SYT9: variants seen among roughly 807,000 people sequenced by gnomAD.
SYT9 encodes synaptotagmin-9.
A neutral mutation model predicts 48.4 loss-of-function variants in SYT9; 22 were observed. That is an observed-to-expected ratio of 0.45 (90% CI 0.32 to 0.65). The LOEUF (loss-of-function observed/expected upper bound fraction) is 0.65. SYT9 is among the 30% of genes least tolerant of loss of function. The pLI is 0.03. For synonymous variants in SYT9, 265 were observed against 245.0 expected (o/e 1.08, Z -0.76); for missense variants, 577 against 622.0 (o/e 0.93, Z 0.77).
intron 3 of SYT9, among the ~76,000 whole-genome samples, chr11:7,324,996 G>A (rs1460213338): frequency 6.6e-6 from 1 of 151,984 alleles, no homozygotes; most frequent in African/African-American, 2.4e-5. Context: ...ATGTATATAT[G>A]TAAAAATATG....
chr11:7,300,749 C>T (rs528374969), intron 1 of SYT9, among the ~76,000 whole-genome samples: 1 of 152,316 alleles, frequency 6.6e-6, no homozygotes, highest in South Asian at 2.1e-4. Context: ...GCCTGATTAC[C>T]TGGGACAGGG....
intron 3 of SYT9, among the ~76,000 whole-genome samples, chr11:7,370,572 G>A (rs1850343852): frequency 1.3e-5 from 2 of 152,092 alleles, no homozygotes; most frequent in African/African-American, 2.4e-5. Flanking sequence ...ACCTAAAATA[G>A]GTAGATTTTA....
chr11:7,378,804 G>A (rs1237859969), intron 3 of SYT9, among the ~76,000 whole-genome samples: 2 of 151,924 alleles, frequency 1.3e-5, no homozygotes, highest in Admixed American at 1.3e-4. Context: ...TCATCATCCC[G>A]TCTCCCATAA....
chr11:7,283,200 T>C (rs932448271), intron 1 of SYT9, among the ~76,000 whole-genome samples: 11 of 151,334 alleles, frequency 7.3e-5, no homozygotes, highest in Non-Finnish European at 1.5e-4. Flanking sequence ...CATATATATT[T>C]ATATATATGT....
At chr11:7,453,034 G>A (rs540988673) in intron 6 of SYT9, among the ~76,000 whole-genome samples, 101 of 151,894 alleles carry the variant, frequency 6.6e-4, no homozygotes, top group African/African-American at 1.7e-3. Flanking sequence ...CCCCTGCCTC[G>A]GCCTCCCAAA....
intron 6 of SYT9, among the ~76,000 whole-genome samples, chr11:7,458,971 T>G (rs1016484099): frequency 1.7e-4 from 26 of 152,226 alleles, no homozygotes; most frequent in African/African-American, 5.8e-4. Context: ...AGAATACCCA[T>G]TAGGAGTCTA....
chr11:7,385,439 A>G (rs1427563280), intron 3 of SYT9, among the ~76,000 whole-genome samples: 1 of 151,962 alleles, frequency 6.6e-6, no homozygotes, highest in Admixed American at 6.6e-5. Context: ...TGAATACATC[A>G]GGTTTCATTT....
intron 6 of SYT9, chr11:7,438,496 T>C (rs201398763): frequency 2.0e-4 from 30 of 152,550 alleles, no homozygotes; most frequent in East Asian, 5.8e-4. Flanking sequence ...TTCTATCACC[T>C]TTCCCAACTA....
chr11:7,292,620 CA>C (rs1321660924), intron 1 of SYT9, among the ~76,000 whole-genome samples: 3 of 152,210 alleles, frequency 2.0e-5, no homozygotes, highest in Non-Finnish European at 2.9e-5. Context: ...GGCCTGTCCC[CA>C]GTCCCTACAT....
chr11:7,351,140 G>T (rs1849907376), intron 3 of SYT9, among the ~76,000 whole-genome samples: 1 of 152,140 alleles, frequency 6.6e-6, no homozygotes, highest in South Asian at 2.1e-4. Flanking sequence ...CCTTGAAAAA[G>T]ATGAAGTGGT....
chr11:7,251,596 T>TCGG (rs1564836107), upstream of SYT9, among the ~76,000 whole-genome samples: 1 of 152,194 alleles, frequency 6.6e-6, no homozygotes, highest in Non-Finnish European at 1.5e-5. Flanking sequence ...ATTGTAACCT[T>TCGG]CGCACTAGGC....
intron 1 of SYT9, among the ~76,000 whole-genome samples, chr11:7,263,210 T>C (rs1848111701): frequency 6.6e-6 from 1 of 152,200 alleles, no homozygotes; most frequent in Non-Finnish European, 1.5e-5. Flanking sequence ...ACAACAGACA[T>C]TTATTTCTCA....
chr11:7,313,956 T>G lies in SYT9; in HGVS notation c.1044+15T>G. The G allele has an allele frequency of 6.3e-7, 1 of 1,598,298 alleles. No homozygotes were observed. The highest frequency in any genetic ancestry group is 8.5e-7 in the Non-Finnish European group (1 of 1,174,004). Reference sequence around the variant, plus strand: ...ATGTCACCAATGTGAGTCCAGCATTTCTTCATTTTTGTGGTGGGGGGCATC... The same window carrying G: ...ATGTCACCAATGTGAGTCCAGCATTGCTTCATTTTTGTGGTGGGGGGCATC... On this transcript the variant is annotated intron_variant, in intron 3 of 6. Coordinates refer to ENST00000318881, the MANE Select transcript of SYT9 (RefSeq NM_175733.4).
chr11:7,330,293 A>C (rs1253107921), intron 3 of SYT9, among the ~76,000 whole-genome samples: 3 of 152,192 alleles, frequency 2.0e-5, no homozygotes, highest in African/African-American at 7.2e-5. Context: ...GAAAAAAAGC[A>C]AGACTCAAAA....
At chr11:7,318,901 T>G (rs1317848607) in intron 3 of SYT9, among the ~76,000 whole-genome samples, 1 of 152,234 alleles carries the variant, frequency 6.6e-6, no homozygotes, top group Non-Finnish European at 1.5e-5. Context: ...ATTTCTTCTG[T>G]GCTCATGAGT....
At chr11:7,439,248 A>G (rs1308742176) in intron 6 of SYT9, 3 of 152,232 alleles carry the variant, frequency 2.0e-5, no homozygotes, top group Non-Finnish European at 2.9e-5. Context: ...AAGTCACTCT[A>G]TCTGCTTCAG....
Position 7,347,169 on chromosome 11 carries a change from G to A in SYT9, c.1044+33228G>A, listed in dbSNP as rs534514016. Among the ~76,000 whole-genome samples the A allele has an allele frequency of 3.3e-5, 5 of 152,286 alleles. No individual in the cohort carries two copies. The East Asian group carries it at 7.7e-4, about 24-fold the overall frequency. ...TGGAGGCTGAGGGGTCACAGTCAGC[G>A]TACCCAGAAGAGAAGCTGGGACTTA... is the stretch of plus-strand genomic sequence containing the variant. On this transcript the variant is annotated intron_variant, in intron 3 of 6. Coordinates refer to ENST00000318881, the MANE Select transcript of SYT9 (RefSeq NM_175733.4).
intron 4 of SYT9, 74 bp from the exon 5 acceptor site, chr11:7,417,883 C>T (rs71472646): frequency 0.021 from 31,983 of 1,502,746 alleles, 828 homozygotes; most frequent in East Asian, 0.15. Context: ...TCCATGAAAA[C>T]TCACAGTGAT....
intron 3 of SYT9, among the ~76,000 whole-genome samples, chr11:7,343,869 C>G (rs1043551098): frequency 1.3e-5 from 2 of 152,160 alleles, no homozygotes; most frequent in Non-Finnish European, 1.5e-5. Flanking sequence ...AAAGGCATGT[C>G]TTACATGGTG....
Sources: allele counts gnomAD v4.1 joint callset (sites outside exome capture counted in the v4.1 genomes callset), GRCh38; gene constraint gnomAD v4.1.1; transcripts MANE v1.5; gene names NCBI Gene and HGNC (gene_info 2026-07-23, HGNC 2026-07-21).